GALNT17: variants seen among roughly 807,000 people sequenced by gnomAD.
GALNT17 encodes polypeptide N-acetylgalactosaminyltransferase 17.
GALNT17 carries 29 observed loss-of-function variants against 63.7 expected under a neutral mutation model. That is an observed-to-expected ratio of 0.46 (90% CI 0.34 to 0.62). The LOEUF is 0.62. GALNT17 is among the 20% of genes least tolerant of loss of function. The probability of loss-of-function intolerance (pLI) is 0.01; values close to 1 mark genes in which losing one functional copy is unlikely to be tolerated. For synonymous variants in GALNT17, 305 were observed against 318.3 expected, an observed-to-expected ratio of 0.96 and a Z score of 0.45; for missense variants, 603 against 799.6, an observed-to-expected ratio of 0.75 and a Z score of 2.97.
At chr7:71,617,556 G>A (rs943590497) in intron 6 of GALNT17, among the ~76,000 whole-genome samples, 1 of 151,926 alleles carries the variant, frequency 6.6e-6, no homozygotes, top group African/African-American at 2.4e-5. Context: ...TCTTGACCTC[G>A]TGATCCACCT....
intron 6 of GALNT17, among the ~76,000 whole-genome samples, chr7:71,603,968 A>G (rs994067487): frequency 7.2e-6 from 1 of 138,302 alleles, no homozygotes; most frequent in Admixed American, 7.0e-5. Flanking sequence ...ATACCATGCT[A>G]AGTGCATATA....
chr7:71,220,735 CAG>C (rs1441931626), intron 1 of GALNT17, among the ~76,000 whole-genome samples: 2 of 152,068 alleles, frequency 1.3e-5, no homozygotes, highest in African/African-American at 4.8e-5. Context: ...CACAGACACA[CAG>C]GGGGAAGACC....
intron 9 of GALNT17, among the ~76,000 whole-genome samples, chr7:71,690,879 C>T (rs547698798): frequency 6.6e-6 from 1 of 152,108 alleles, no homozygotes; most frequent in Non-Finnish European, 1.5e-5. Flanking sequence ...TGTTTCTTCA[C>T]GGATAAGCAA....
intron 6 of GALNT17, among the ~76,000 whole-genome samples, chr7:71,608,648 G>A (rs1487055383): frequency 6.6e-6 from 1 of 152,108 alleles, no homozygotes; most frequent in African/African-American, 2.4e-5. Flanking sequence ...AGCATTTGAG[G>A]AGTAGTCAGG....
intron 1 of GALNT17, among the ~76,000 whole-genome samples, chr7:71,320,135 A>T (rs12155498): frequency 6.6e-6 from 1 of 151,990 alleles, no homozygotes; most frequent in African/African-American, 2.4e-5. Flanking sequence ...GAGCAGATAC[A>T]TACTCTCTGC....
chr7:71,319,096 A>ATCTATCTTTCTTT (rs779161547), intron 1 of GALNT17, among the ~76,000 whole-genome samples: 1 of 131,882 alleles, frequency 7.6e-6, no homozygotes, highest in Non-Finnish European at 1.6e-5. Context: ...ATTTTTGTTT[A>ATCTATCTTTCTTT]TCTTTCTTTC....
At chr7:71,710,972 G>A in intron 10 of GALNT17, 44 bp downstream of exon 10, 5 of 1,598,752 alleles carry the variant, frequency 3.1e-6, no homozygotes, top group Non-Finnish European at 4.3e-6. Flanking sequence ...GTAGCTGCAA[G>A]AGGCTGCAGA....
chr7:71,386,748 C>G (rs1792952893), intron 2 of GALNT17, among the ~76,000 whole-genome samples: 1 of 152,164 alleles, frequency 6.6e-6, no homozygotes. Context: ...TGTCCTGTCT[C>G]CTGTCTCCAG....
intron 5 of GALNT17, among the ~76,000 whole-genome samples, chr7:71,536,547 A>G (rs1301760536): frequency 3.3e-5 from 5 of 152,096 alleles, no homozygotes; most frequent in Non-Finnish European, 5.9e-5. Context: ...ATGGCAAGAG[A>G]AAATGAGGAA....
chr7:71,645,433 C>T (rs1584110021), intron 6 of GALNT17, among the ~76,000 whole-genome samples: 2 of 152,098 alleles, frequency 1.3e-5, no homozygotes, highest in Middle Eastern at 3.4e-3. Context: ...TCCTACACAC[C>T]CTCTCTCTCT....
intron 2 of GALNT17, among the ~76,000 whole-genome samples, chr7:71,352,091 C>T (rs764119614): frequency 5.9e-5 from 9 of 152,098 alleles, no homozygotes; most frequent in Non-Finnish European, 1.2e-4. Flanking sequence ...GTGAGAGGGA[C>T]TCAGTGGGTG....
intron 5 of GALNT17, among the ~76,000 whole-genome samples, chr7:71,527,323 C>T (rs184315725): frequency 7.6e-4 from 115 of 152,298 alleles, no homozygotes; most frequent in African/African-American, 2.7e-3. Context: ...AAAATTAGGA[C>T]AAAGTCATTG....
chr7:71,590,855 G>A (rs1789786898), intron 6 of GALNT17, among the ~76,000 whole-genome samples: 1 of 152,064 alleles, frequency 6.6e-6, no homozygotes, highest in Non-Finnish European at 1.5e-5. Context: ...AGCCTCCCAA[G>A]TAGCTGGAAT....
In GALNT17 at chr7:71,712,430, AG is replaced by A. The variant is rs1338435731; in HGVS notation, c.*285del. The A allele has an allele frequency of 3.6e-6, 1 of 281,618 alleles. No homozygotes were observed. The highest frequency in any genetic ancestry group is 6.8e-6 in the Non-Finnish European group (1 of 148,098). 17.4% of individuals were successfully genotyped at this position (281,618 alleles called of 1,614,324 possible). A position where few individuals can be genotyped will look rare whatever the true frequency, so the allele number is the denominator to read the frequency against. On this transcript the variant is annotated 3_prime_UTR_variant, in exon 11 of 11. Transcript: ENST00000333538. ...CTCTGATGTGGACCTGGTACTGAGG[AG>A]CAAGACTGTCCAGTTCTCCTCCACA...
At chr7:71,528,783 G>A (rs1425869266) in intron 5 of GALNT17, among the ~76,000 whole-genome samples, 1 of 152,094 alleles carries the variant, frequency 6.6e-6, no homozygotes, top group African/African-American at 2.4e-5. Context: ...TTGAAATAAA[G>A]TAAAAACAGA....
intron 5 of GALNT17, among the ~76,000 whole-genome samples, chr7:71,570,261 C>T (rs1789417121): frequency 6.6e-6 from 1 of 152,136 alleles, no homozygotes; most frequent in Non-Finnish European, 1.5e-5. Context: ...TTTGTCTCTC[C>T]TGCTGAGACC....
chr7:71,552,069 GGGTGTT>G (rs1193354141), intron 5 of GALNT17, among the ~76,000 whole-genome samples: 1 of 151,406 alleles, frequency 6.6e-6, no homozygotes, highest in Non-Finnish European at 1.5e-5. Context: ...TTTTGAGTCA[GGGTGTT>G]GGTTTGTCAC....
chr7:71,699,509 A>C (rs901529861), intron 9 of GALNT17, among the ~76,000 whole-genome samples: 16 of 151,742 alleles, frequency 1.1e-4, no homozygotes, highest in Admixed American at 6.6e-5. Flanking sequence ...CAAAAAAAAA[A>C]CCCTCAGGAG....
intron 6 of GALNT17, among the ~76,000 whole-genome samples, chr7:71,583,993 G>A (rs532428024): frequency 3.3e-5 from 5 of 152,094 alleles, no homozygotes; most frequent in Admixed American, 1.3e-4. Flanking sequence ...TTAGCCGGGC[G>A]TGGTGGCACG....
Sources: gnomAD v4.1 joint callset for allele counts (sites outside exome capture counted in the v4.1 genomes callset) on GRCh38, gnomAD v4.1.1 for gene constraint, MANE v1.5 for transcripts, NCBI Gene and HGNC (gene_info 2026-07-23, HGNC 2026-07-21) for gene names.